Variants in RIMS2 observed in about 807,000 individuals in gnomAD.
The protein encoded by RIMS2 is regulating synaptic membrane exocytosis 2.
A neutral mutation model predicts 174.4 loss-of-function variants in RIMS2; 59 were observed. That is an observed-to-expected ratio of 0.34 (90% confidence interval 0.27 to 0.42). RIMS2 has a LOEUF of 0.42. Ranked by LOEUF, RIMS2 falls within the 10% of genes least tolerant of loss-of-function variation. RIMS2 has a pLI of 1.00. For synonymous variants in RIMS2, 606 were observed against 572.5 expected, an observed-to-expected ratio of 1.06 and a Z score of -0.84; for missense variants, 1,620 against 1,666.3, an observed-to-expected ratio of 0.97 and a Z score of 0.48.
At chr8:103,952,719 C>G (rs1247714362) in intron 14 of RIMS2, among the ~76,000 whole-genome samples, 1 of 152,126 alleles carries the variant, frequency 6.6e-6, no homozygotes, top group East Asian at 1.9e-4. Context: ...CAAAGGATCA[C>G]AACTCCTTGC....
intron 3 of RIMS2, among the ~76,000 whole-genome samples, chr8:103,804,645 T>C (rs1265526050): frequency 1.3e-5 from 2 of 152,214 alleles, no homozygotes; most frequent in Admixed American, 6.5e-5. Flanking sequence ...ATGTTTAATA[T>C]GTAGTGAATT....
chr8:104,187,348 G>A (rs1562402), intron 19 of RIMS2, among the ~76,000 whole-genome samples: 105,011 of 151,672 alleles, frequency 0.69, 36,847 homozygotes, highest in East Asian at 0.95. Context: ...ATATAATGAT[G>A]ATAATAGTGT....
chr8:103,660,606 CAAAAACAAAAAA>C (rs1467289653), intron 1 of RIMS2, among the ~76,000 whole-genome samples: 1 of 151,920 alleles, frequency 6.6e-6, no homozygotes, highest in Non-Finnish European at 1.5e-5. Context: ...AAAACAAAAA[CAAAAACAAAAAA>C]ACAAATCTGA....
chr8:103,959,940 A>G (rs1396313319), intron 14 of RIMS2, among the ~76,000 whole-genome samples: 1 of 152,214 alleles, frequency 6.6e-6, no homozygotes, highest in Non-Finnish European at 1.5e-5. Flanking sequence ...CACAATTAAA[A>G]GAACTAGAGA....
chr8:103,698,707 G>C (rs1410785418), intron 2 of RIMS2, among the ~76,000 whole-genome samples: 1 of 152,118 alleles, frequency 6.6e-6, no homozygotes, highest in Non-Finnish European at 1.5e-5. Flanking sequence ...CTGGGCTCAA[G>C]TGTTCCTCCT....
chr8:103,631,193 C>G (rs1257180389), intron 1 of RIMS2, among the ~76,000 whole-genome samples: 1 of 152,152 alleles, frequency 6.6e-6, no homozygotes, highest in Non-Finnish European at 1.5e-5. Flanking sequence ...AAATCTTTGC[C>G]TGTTCCTATG....
At chr8:103,924,732 T>C (rs2078411563) in intron 10 of RIMS2, among the ~76,000 whole-genome samples, 1 of 151,694 alleles carries the variant, frequency 6.6e-6, no homozygotes, top group South Asian at 2.1e-4. Flanking sequence ...ATACATATAA[T>C]ATCATTCTCA....
At chr8:104,223,352 T>G in intron 19 of RIMS2, 1 of 1,143,942 alleles carries the variant, frequency 8.7e-7, no homozygotes, top group Non-Finnish European at 1.1e-6. Flanking sequence ...AGCTCCAGCC[T>G]CCAGGATTCT....
intron 19 of RIMS2, among the ~76,000 whole-genome samples, chr8:104,052,288 G>A (rs1354910735): frequency 2.6e-5 from 4 of 151,990 alleles, no homozygotes; most frequent in Non-Finnish European, 4.4e-5. Flanking sequence ...TGAAAATATA[G>A]AAAATTAAAA....
chr8:104,111,610 G>A (rs957403690), intron 19 of RIMS2, among the ~76,000 whole-genome samples: 3 of 152,114 alleles, frequency 2.0e-5, no homozygotes, highest in African/African-American at 7.2e-5. Flanking sequence ...GTTTCACCGT[G>A]TTGGCCAGGA....
chr8:103,816,164 CA>C (rs1226388312), intron 3 of RIMS2, among the ~76,000 whole-genome samples: 1 of 152,064 alleles, frequency 6.6e-6, no homozygotes, highest in Non-Finnish European at 1.5e-5. Flanking sequence ...ATTCAAAGCA[CA>C]ATGTTTTTGA....
At chr8:104,244,975 G>T in exon 20 of RIMS2, 2 of 1,613,724 alleles carry the variant, frequency 1.2e-6, no homozygotes, top group South Asian at 2.2e-5. Flanking sequence ...AGGCCTGGCC[G>T]TGGAAATGAG....
intron 1 of RIMS2, among the ~76,000 whole-genome samples, chr8:103,532,838 A>G (rs1837855589): frequency 6.6e-6 from 1 of 152,256 alleles, no homozygotes. Flanking sequence ...ATATCATGTC[A>G]AATAATAAAA....
Position 103,520,128 on chromosome 8 carries a change from ACT to A in RIMS2, c.176+19071_176+19072del, listed in dbSNP as rs536755474. 4.6e-5 allele frequency among the ~76,000 whole-genome samples: 7 copies of A among 151,796 alleles called. No homozygotes were observed. In the East Asian group the frequency reaches 1.4e-3, roughly 29 times the overall value. On this transcript the variant is annotated intron_variant, in intron 1 of 23. Transcript: ENST00000504942. ...TTGAGCAAGTCACTTAATCTCTTGG[ACT>A]CTCTGTCTCTTTATCTATAAATTAA...
chr8:103,833,336 CAT>C (rs1454746191), intron 3 of RIMS2, among the ~76,000 whole-genome samples: 10 of 152,118 alleles, frequency 6.6e-5, no homozygotes, highest in African/African-American at 2.4e-4. Flanking sequence ...GTTATGCTTA[CAT>C]GTGTGTTTTT....
chr8:103,717,950 T>C (rs2097394717), intron 2 of RIMS2, among the ~76,000 whole-genome samples: 1 of 152,210 alleles, frequency 6.6e-6, no homozygotes, highest in African/African-American at 2.4e-5. Flanking sequence ...TTAATTAATT[T>C]TAATTTAAAT....
At chr8:103,505,066 C>A (rs751327537) in intron 1 of RIMS2, among the ~76,000 whole-genome samples, 3 of 151,812 alleles carry the variant, frequency 2.0e-5, no homozygotes, top group Non-Finnish European at 4.4e-5. Flanking sequence ...GTTGCCCAGG[C>A]TGGTCTTGAA....
chr8:103,987,839 T>C (rs1022903511), intron 16 of RIMS2, among the ~76,000 whole-genome samples: 3 of 152,180 alleles, frequency 2.0e-5, no homozygotes, highest in Non-Finnish European at 4.4e-5. Context: ...TAAGTACTGT[T>C]CTCAAAAGTA....
chr8:103,758,126 G>A (rs557141306), intron 2 of RIMS2, among the ~76,000 whole-genome samples: 3 of 152,202 alleles, frequency 2.0e-5, no homozygotes, highest in Admixed American at 2.0e-4. Flanking sequence ...GCTATCTAGA[G>A]TTAGATAGAC....
Sources: gnomAD v4.1 joint callset for allele counts (sites outside exome capture counted in the v4.1 genomes callset) on GRCh38, gnomAD v4.1.1 for gene constraint, MANE v1.5 for transcripts, NCBI Gene and HGNC (gene_info 2026-07-23, HGNC 2026-07-21) for gene names.